Variants in LRRC8C observed in about 807,000 individuals in gnomAD.
LRRC8C encodes the protein volume-regulated anion channel subunit LRRC8C.
LRRC8C carries 20 observed loss-of-function variants against 55.3 expected under a neutral mutation model. That is an observed-to-expected ratio of 0.36 (90% CI 0.25 to 0.53). The LOEUF (loss-of-function observed/expected upper bound fraction) is 0.53. Among genes scored for constraint, LRRC8C ranks in the 20% least tolerant of loss-of-function variants. LRRC8C has a pLI of 0.92. For missense variants in LRRC8C, 659 were observed against 951.4 expected, an observed-to-expected ratio of 0.69 and a Z score of 4.04; for synonymous variants, 376 against 360.7, an observed-to-expected ratio of 1.04 and a Z score of -0.48.
chr1:89,683,467 C>G (rs559919419), intron 1 of LRRC8C, among the ~76,000 whole-genome samples: 1 of 151,760 alleles, frequency 6.6e-6, no homozygotes, highest in Non-Finnish European at 1.5e-5. Context: ...AAGCGATTCT[C>G]CTGCCTCAGC....
Position 89,714,795 on chromosome 1 carries a change from C to T in LRRC8C, c.2225C>T (p.Ser742Phe), listed in dbSNP as rs758313899. The T allele has an allele frequency of 1.9e-6, 3 of 1,614,062 alleles. No homozygotes were observed. In the South Asian group the frequency reaches 3.3e-5, roughly 18 times the overall value. ...KTLKIGKNSL[S>F]VLSPKIGNLL... ...CTGAAGATTGGAAAAAACAGCCTAT[C>T]TGTACTTTCACCGAAAATTGGAAAT... The change falls in exon 3 of 3, where the codon TCT becomes TTT. Residue 742 changes from serine (S) to phenylalanine (F), a missense_variant. Coordinates refer to ENST00000370454, the MANE Select transcript of LRRC8C (RefSeq NM_032270.5). This position sits in a 1 kb window ranked among gnomAD's most constrained non-coding sequence, Gnocchi z 4.6.
chr1:89,633,641 G>T (rs1032177028), intron 1 of LRRC8C, among the ~76,000 whole-genome samples: 5 of 152,126 alleles, frequency 3.3e-5, no homozygotes, highest in Non-Finnish European at 7.3e-5. Context: ...GGGTGGGGGG[G>T]CGGTCCGCGA....
rs751573376 is a variant in LRRC8C at position 89,686,483 on chromosome 1, G to A, written c.10G>A (p.Val4Met). Reference protein sequence around the residue: MIPVTEFRQFSEQQ... With the variant: MIPMTEFRQFSEQQ... ...CTCCTTTCTCAGAAACATGATTCCC[G>A]TGACAGAATTCCGGCAGTTCTCTGA... The change falls in exon 2 of 3, where the codon GTG becomes ATG. Residue 4 changes from valine to methionine, a missense_variant. Physicochemically the swap from Val to Met is conservative, Grantham distance 21. This residue lies in a region of LRRC8C where 16 missense variants were observed against 16.6 expected (regional missense o/e 0.96). Coordinates refer to ENST00000370454, the MANE Select transcript of LRRC8C (RefSeq NM_032270.5). 3.9e-5 allele frequency: 63 copies of A among 1,613,956 alleles called. No homozygotes were observed. Among genetic ancestry groups the A allele is most frequent in the Admixed American group, 1.2e-4 (7 of 60,004 alleles).
chr1:89,668,708 C>A lies in LRRC8C; in HGVS notation c.-4-17762C>A, dbSNP rs115270895. 6.6e-3 allele frequency among the ~76,000 whole-genome samples: 1,008 copies of A among 152,308 alleles called. 8 individuals are homozygous for A. Among genetic ancestry groups the A allele is most frequent in the African/African-American group, 0.023 (975 of 41,566 alleles). On this transcript the variant is annotated intron_variant, in intron 1 of 2. Coordinates refer to ENST00000370454, the MANE Select transcript of LRRC8C (RefSeq NM_032270.5). ...GAATTTTTGCTATGCCCTTCACAGG[C>A]TTTCCAATCTTGGAGAAATTATTTA...
At chr1:89,671,820 A>C (rs542345916) in intron 1 of LRRC8C, among the ~76,000 whole-genome samples, 1 of 152,226 alleles carries the variant, frequency 6.6e-6, no homozygotes, top group Non-Finnish European at 1.5e-5. Flanking sequence ...GCCACATGCA[A>C]GGTGAAGCTG....
the LRRC8C span, among the ~76,000 whole-genome samples, chr1:89,622,650 A>G: frequency 6.6e-6 from 1 of 152,046 alleles, no homozygotes; most frequent in Non-Finnish European, 1.5e-5. Context: ...GAAATCTTTA[A>G]CATCATGCCT....
At chr1:89,704,152 AGAAGAAT>A (rs1557667184) in intron 2 of LRRC8C, among the ~76,000 whole-genome samples, 1 of 152,138 alleles carries the variant, frequency 6.6e-6, no homozygotes, top group Non-Finnish European at 1.5e-5. Context: ...AACAGGATAC[AGAAGAAT>A]CTCAACACCC....
chr1:89,668,634 T>A (rs1249096739), intron 1 of LRRC8C, among the ~76,000 whole-genome samples: 1 of 152,176 alleles, frequency 6.6e-6, no homozygotes, highest in East Asian at 1.9e-4. Context: ...ATAATTTCCC[T>A]CTTTAAATGA....
At chr1:89,671,896 T>C (rs1398351356) in intron 1 of LRRC8C, among the ~76,000 whole-genome samples, 2 of 152,160 alleles carry the variant, frequency 1.3e-5, no homozygotes, top group African/African-American at 2.4e-5. Context: ...AAAACAACTT[T>C]TGGTGAATGA....
At chr1:89,690,146 TGGAA>T (rs1365731662) in intron 2 of LRRC8C, among the ~76,000 whole-genome samples, 4 of 152,018 alleles carry the variant, frequency 2.6e-5, no homozygotes, top group African/African-American at 9.7e-5. Flanking sequence ...AGGATCTAGG[TGGAA>T]GGATTATCCC....
rs1658901105 is a variant in LRRC8C, at chr1:89,719,045, T to C, written c.*4063T>C. The C allele has an allele frequency of 1.3e-5, 2 of 152,192 alleles. No individual in the cohort carries two copies. The highest frequency in any genetic ancestry group is 2.9e-5 in the Non-Finnish European group (2 of 68,030). 9.4% of individuals were successfully genotyped at this position (152,192 alleles called of 1,614,324 possible). A position where few individuals can be genotyped will look rare whatever the true frequency, so the allele number is the denominator to read the frequency against. On this transcript the variant is annotated 3_prime_UTR_variant, in exon 3 of 3. Coordinates refer to ENST00000370454, the MANE Select transcript of LRRC8C (RefSeq NM_032270.5). ...CCATCCAAACTAAGCATCCACTCAT[T>C]CCATCTTCCCAAAGTCACTCACCGA...
At chr1:89,657,757 AAAAG>A (rs1452683581) in intron 1 of LRRC8C, among the ~76,000 whole-genome samples, 2 of 151,754 alleles carry the variant, frequency 1.3e-5, no homozygotes, top group African/African-American at 2.4e-5. Flanking sequence ...AAAAAAAAAA[AAAAG>A]ATGCTTAGTA....
At chr1:89,674,198 T>G (rs1657493884) in intron 1 of LRRC8C, among the ~76,000 whole-genome samples, 1 of 152,242 alleles carries the variant, frequency 6.6e-6, no homozygotes, top group Non-Finnish European at 1.5e-5. Context: ...TTTAATTAAA[T>G]GATTCATATT....
chr1:89,659,039 C>T (rs1657027990), intron 1 of LRRC8C, among the ~76,000 whole-genome samples: 2 of 130,300 alleles, frequency 1.5e-5, no homozygotes, highest in Non-Finnish European at 3.2e-5. Flanking sequence ...TAGGTTGTGT[C>T]TTCTCCAGGT....
At chr1:89,703,393 A>G (rs1658385027) in intron 2 of LRRC8C, among the ~76,000 whole-genome samples, 1 of 152,230 alleles carries the variant, frequency 6.6e-6, no homozygotes, top group African/African-American at 2.4e-5. Context: ...TACAGGATAT[A>G]TGAGTTTCCT....
chr1:89,659,099 G>C (rs1570702160), intron 1 of LRRC8C, among the ~76,000 whole-genome samples: 5 of 136,252 alleles, frequency 3.7e-5, no homozygotes, highest in African/African-American at 1.1e-4. Flanking sequence ...GTGTGTGTGT[G>C]TGTGTGTGTC....
In LRRC8C at chr1:89,715,110, G is replaced by T. The variant is rs1658779990; in HGVS notation, c.*128G>T. ...AAAATGTACACAAAGATCGCGTAAG[G>T]AGTATGTATTTTTAATAAAAATTTA... On this transcript the variant is annotated 3_prime_UTR_variant, in exon 3 of 3. Transcript: ENST00000370454. The T allele has an allele frequency of 2.1e-6, 1 of 472,174 alleles. No homozygotes were observed. The highest frequency in any genetic ancestry group is 3.4e-5 in the East Asian group (1 of 29,270). 29.2% of individuals were successfully genotyped at this position (472,174 alleles called of 1,614,324 possible).
intron 1 of LRRC8C, among the ~76,000 whole-genome samples, chr1:89,644,412 A>G (rs1295792066): frequency 6.6e-6 from 1 of 152,178 alleles, no homozygotes; most frequent in Admixed American, 6.5e-5. Context: ...TGGCCTCCCA[A>G]AGTGCTGAGA....
At chr1:89,673,593 CA>C (rs1657478505) in intron 1 of LRRC8C, among the ~76,000 whole-genome samples, 1 of 152,144 alleles carries the variant, frequency 6.6e-6, no homozygotes, top group African/African-American at 2.4e-5. Context: ...ACATAGGATG[CA>C]AATTAATAAA....
Sources: gnomAD v4.1 joint callset for allele counts (sites outside exome capture counted in the v4.1 genomes callset) on GRCh38, gnomAD v4.1.1 for gene constraint, gnomAD v4.1.1 regional missense constraint, Gnocchi (gnomAD v3.1) non-coding constraint, MANE v1.5 for transcripts, NCBI Gene and HGNC (gene_info 2026-07-23, HGNC 2026-07-21) for gene names.